The following NR2C2 variants were observed in gnomAD, a reference collection of about 807,000 sequenced individuals.
The protein encoded by NR2C2 is nuclear receptor subfamily 2 group C member 2, also known as Nuclear hormone receptor TR4.
NR2C2 carries 6 observed loss-of-function variants against 62.9 expected under a neutral mutation model. The observed-to-expected ratio is 0.10, with a 90% CI of 0.05 to 0.19. The LOEUF is 0.19. NR2C2 is among the 10% of genes least tolerant of loss of function. The pLI is 1.00. For missense variants in NR2C2, 479 were observed against 762.7 expected (o/e 0.63, Z 4.38); for synonymous variants, 272 against 273.8 (o/e 0.99, Z 0.07).
At chr3:14,999,961 T>C (rs2040942350) in intron 1 of NR2C2, among the ~76,000 whole-genome samples, 1 of 152,218 alleles carries the variant, frequency 6.6e-6, no homozygotes, top group South Asian at 2.1e-4. Context: ...GTGACTACAA[T>C]GTGTAAAAAT....
At chr3:15,029,855 C>A (rs2041929003) in intron 8 of NR2C2, among the ~76,000 whole-genome samples, 1 of 133,856 alleles carries the variant, frequency 7.5e-6, no homozygotes, top group African/African-American at 2.9e-5. Flanking sequence ...AGATAGACCC[C>A]ATCTCTGAAA....
intron 1 of NR2C2, among the ~76,000 whole-genome samples, chr3:14,991,679 G>A (rs1016955529): frequency 6.6e-6 from 1 of 150,912 alleles, no homozygotes; most frequent in Non-Finnish European, 1.5e-5. Context: ...TTATAGATTT[G>A]GAAACTCTTA....
Position 14,985,912 on chromosome 3 carries a change from C to T in NR2C2, c.-39-17964C>T, listed in dbSNP as rs563935079. 3.3e-5 allele frequency among the ~76,000 whole-genome samples: 5 copies of T among 152,238 alleles called. No individual in the cohort carries two copies. The East Asian group carries it at 5.8e-4, about 18-fold the overall frequency. On this transcript the variant is annotated intron_variant, in intron 1 of 13. Transcript: ENST00000425241. ...AGTAGAATTTGAAATTAAAAGCTATCTGGGTCAAAGTGTGTCTTCTAAGGG... is the reference window on the plus strand; with the variant it reads ...AGTAGAATTTGAAATTAAAAGCTATTTGGGTCAAAGTGTGTCTTCTAAGGG...
chr3:15,027,219 G>A (rs776152367), intron 7 of NR2C2, among the ~76,000 whole-genome samples: 3 of 151,864 alleles, frequency 2.0e-5, no homozygotes, highest in Non-Finnish European at 2.9e-5. Flanking sequence ...GGCTGGTCTC[G>A]AACTCCTGAC....
intron 1 of NR2C2, among the ~76,000 whole-genome samples, chr3:14,954,956 G>A (rs1483786869): frequency 1.2e-4 from 18 of 152,070 alleles, no homozygotes; most frequent in Admixed American, 7.2e-4. Flanking sequence ...ACAGCCTCCC[G>A]AGTAGCTGGG....
intron 1 of NR2C2, among the ~76,000 whole-genome samples, chr3:15,001,318 G>GTTTTTTTTTTTTTTTTTTTTTGGTT: frequency 1.0e-5 from 1 of 97,506 alleles, no homozygotes; most frequent in African/African-American, 3.8e-5. Flanking sequence ...TTTGTTTTGG[G>GTTTTTTTTTTTTTTTTTTTTTGGTT]TTTTTTTTTT....
intron 4 of NR2C2, 93 bp from the exon 5 acceptor site, chr3:15,020,660 C>A: frequency 1.4e-6 from 2 of 1,445,486 alleles, no homozygotes; most frequent in Non-Finnish European, 1.9e-6. Context: ...CCCATCACTT[C>A]AATGAGACTT....
chr3:14,951,866 G>A (rs556341260), intron 1 of NR2C2, among the ~76,000 whole-genome samples: 9 of 151,964 alleles, frequency 5.9e-5, no homozygotes, highest in Non-Finnish European at 1.3e-4. Context: ...TTCTGCCTCC[G>A]CCTCCCCAGT....
At chr3:14,953,546 C>T (rs1409051629) in intron 1 of NR2C2, among the ~76,000 whole-genome samples, 1 of 152,092 alleles carries the variant, frequency 6.6e-6, no homozygotes, top group Non-Finnish European at 1.5e-5. Context: ...TTGATAAAAG[C>T]TATGCAGGGG....
chr3:15,030,986 A>G (rs183101882), intron 9 of NR2C2, among the ~76,000 whole-genome samples: 49 of 152,300 alleles, frequency 3.2e-4, no homozygotes, highest in Non-Finnish European at 4.9e-4. Context: ...TTGGTTCTGA[A>G]GGTAACCATG....
At chr3:15,035,074 T>C (rs531311888) in intron 11 of NR2C2, among the ~76,000 whole-genome samples, 3 of 152,170 alleles carry the variant, frequency 2.0e-5, no homozygotes, top group Non-Finnish European at 2.9e-5. Flanking sequence ...GGAGGATCAC[T>C]TGAGCCCAGG....
At chr3:14,981,798 A>G (rs775249936) in intron 1 of NR2C2, among the ~76,000 whole-genome samples, 1 of 152,090 alleles carries the variant, frequency 6.6e-6, no homozygotes, top group Admixed American at 6.5e-5. Flanking sequence ...TATAGGTCCA[A>G]GAGTCTGAAA....
intron 1 of NR2C2, among the ~76,000 whole-genome samples, chr3:14,995,491 A>G (rs944920855): frequency 2.0e-5 from 3 of 152,112 alleles, no homozygotes; most frequent in African/African-American, 7.2e-5. Context: ...AGGCTTATCC[A>G]TGTTGTAGCA....
At chr3:15,016,025 C>T in intron 3 of NR2C2, 127 bp from the exon 4 acceptor site, 2 of 665,874 alleles carry the variant, frequency 3.0e-6, no homozygotes, top group Non-Finnish European at 5.4e-6. Flanking sequence ...TGGTCTCGAA[C>T]TCCCGACCTC....
rs1178478511 is a variant in NR2C2, at chr3:14,947,795, C to A, written c.-151C>A. 6.7e-6 allele frequency: 1 copy of A among 149,406 alleles called. No individual in the cohort carries two copies. Among genetic ancestry groups the A allele is most frequent in the East Asian group, 2.0e-4 (1 of 5,004 alleles). The allele number at this position is 149,406 out of a possible 1,614,324, so 9.3% of individuals were successfully genotyped here. The stretch of plus-strand genomic sequence containing the variant: ...CGAGCCCGCGGCCCCCGGGCTCCCG[C>A]CATCCGCCGACACCGGGAGCCCGGG... On this transcript the variant is annotated 5_prime_UTR_variant, in exon 1 of 14. Transcript: ENST00000425241.
Position 15,033,717 on chromosome 3 carries a change from T to A in NR2C2, c.1233-953T>A, listed in dbSNP as rs909996600. Among the ~76,000 whole-genome samples, 7 of 151,336 alleles carry A rather than the reference T, an allele frequency of 4.6e-5. 1 individual carries two copies. The highest frequency in any genetic ancestry group is 4.6e-4 in the Admixed American group (7 of 15,182). On this transcript the variant is annotated intron_variant, in intron 10 of 13. Transcript: ENST00000425241. ...GTACTGATAGGTACCTGAGATTTTT[T>A]AAATGAGGTTAAAACATTGTTACCC...
chr3:15,042,417 C>T (rs11708243), intron 13 of NR2C2: 22,963 of 155,748 alleles, frequency 0.15, 2,012 homozygotes, highest in Non-Finnish European at 0.2. Context: ...GTTTTATAAT[C>T]TCCTTTTAAA....
At chr3:14,984,555 T>C (rs547991937) in intron 1 of NR2C2, among the ~76,000 whole-genome samples, 9 of 152,286 alleles carry the variant, frequency 5.9e-5, no homozygotes, top group African/African-American at 1.7e-4. Flanking sequence ...AAAGAAATCA[T>C]GTGTCCACTT....
In NR2C2 at chr3:15,036,010, A is replaced by G. The variant is rs557016954; in HGVS notation, c.1372+1201A>G. Reference sequence around the variant, plus strand: ...GCCACTGCACTGCAGCCTGGGCAACAGAGCGAGACTCTGTCTCCAAAAAAC... The same window carrying G: ...GCCACTGCACTGCAGCCTGGGCAACGGAGCGAGACTCTGTCTCCAAAAAAC... On this transcript the variant is annotated intron_variant, in intron 11 of 13. Transcript: ENST00000425241. 1.4e-4 allele frequency among the ~76,000 whole-genome samples: 21 copies of G among 152,296 alleles called. No individual in the cohort carries two copies. The South Asian group carries it at 3.9e-3, about 29-fold the overall frequency.
Sources: gnomAD v4.1 joint callset for allele counts (sites outside exome capture counted in the v4.1 genomes callset) on GRCh38, gnomAD v4.1.1 for gene constraint, MANE v1.5 for transcripts, NCBI Gene and HGNC (gene_info 2026-07-23, HGNC 2026-07-21) for gene names.